Variants in CNTN5 observed in about 807,000 individuals in gnomAD.
CNTN5 encodes contactin-5.
Under a neutral mutation model 129.1 loss-of-function variants are expected in CNTN5, and 77 were observed. The observed-to-expected ratio is 0.60, with a 90% CI of 0.50 to 0.72. CNTN5 has a LOEUF of 0.72. CNTN5 is among the 30% of genes least tolerant of loss of function. CNTN5 has a pLI of 0.00. For synonymous variants in CNTN5, 509 were observed against 465.6 expected, an observed-to-expected ratio of 1.09 and a Z score of -1.20; for missense variants, 1,478 against 1,328.8, an observed-to-expected ratio of 1.11 and a Z score of -1.75.
intron 2 of CNTN5, among the ~76,000 whole-genome samples, chr11:99,485,160 G>A (rs1257825489): frequency 6.6e-6 from 1 of 151,520 alleles, no homozygotes; most frequent in Non-Finnish European, 1.5e-5. Context: ...TTTCAACATC[G>A]CCATTGACCC....
At chr11:100,171,751 T>A (rs1947832621) in intron 13 of CNTN5, among the ~76,000 whole-genome samples, 1 of 152,030 alleles carries the variant, frequency 6.6e-6, no homozygotes, top group South Asian at 2.1e-4. Context: ...GTGAGATCAA[T>A]TTCTCATTAG....
intron 6 of CNTN5, among the ~76,000 whole-genome samples, chr11:99,900,236 A>C (rs1332833147): frequency 7.0e-6 from 1 of 143,566 alleles, no homozygotes; most frequent in Non-Finnish European, 1.5e-5. Flanking sequence ...AATATTTGTT[A>C]CTTTTTTCTG....
chr11:99,727,312 C>CAAAAAAAAAAAAAAAAAAAAAAAAAA (rs397936738), intron 3 of CNTN5, among the ~76,000 whole-genome samples: 5 of 24,276 alleles, frequency 2.1e-4, no homozygotes, highest in Non-Finnish European at 3.9e-4. Flanking sequence ...GACTCCGTCT[C>CAAAAAAAAAAAAAAAAAAAAAAAAAA]AAAAAAAAAA....
At chr11:99,621,951 T>G (rs903048198) in intron 3 of CNTN5, among the ~76,000 whole-genome samples, 1 of 152,206 alleles carries the variant, frequency 6.6e-6, no homozygotes, top group Non-Finnish European at 1.5e-5. Context: ...GACCATTTCC[T>G]AAATAGCTGA....
intron 1 of CNTN5, among the ~76,000 whole-genome samples, chr11:99,193,057 C>T (rs12289396): frequency 0.12 from 18,796 of 152,058 alleles, 1,214 homozygotes; most frequent in Non-Finnish European, 0.14. Flanking sequence ...TCTTGTTTCT[C>T]TTAAATGTAT....
intron 2 of CNTN5, among the ~76,000 whole-genome samples, chr11:99,480,509 A>G (rs760338121): frequency 1.3e-5 from 2 of 152,202 alleles, no homozygotes; most frequent in African/African-American, 2.4e-5. Flanking sequence ...GAACATATGG[A>G]ACAATGGCTG....
chr11:100,127,651 C>CTTTTTTTTTTTTTTTTTTTT (rs66468227), intron 13 of CNTN5, among the ~76,000 whole-genome samples: 1 of 81,280 alleles, frequency 1.2e-5, no homozygotes, highest in East Asian at 3.8e-4. Flanking sequence ...TTCTTTCTTT[C>CTTTTTTTTTTTTTTTTTTTT]TTTTTTTTTT....
chr11:99,381,232 G>C (rs1486611239), intron 2 of CNTN5, among the ~76,000 whole-genome samples: 1 of 152,110 alleles, frequency 6.6e-6, no homozygotes, highest in Non-Finnish European at 1.5e-5. Context: ...GAGCCAACAG[G>C]GACAAGAGGA....
chr11:100,234,792 T>TAA lies in CNTN5; in HGVS notation c.2005+10004_2005+10005dup, dbSNP rs781363668. ...CATTCTGCACATGTATCCCAGAATT[T>TAA]AAAAAAAAAAAAAAAAAAAAAAAAA... On this transcript the variant is annotated intron_variant, in intron 16 of 24. Coordinates refer to ENST00000524871, the MANE Select transcript of CNTN5 (RefSeq NM_014361.4). Among the ~76,000 whole-genome samples, 610 of 101,998 alleles carry TAA rather than the reference T, an allele frequency of 6.0e-3. 11 individuals are homozygous for TAA. The highest frequency in any genetic ancestry group is 0.043 in the East Asian group (125 of 2,936). 66.9% of individuals were successfully genotyped at this position (101,998 alleles called of 152,430 possible).
chr11:99,368,148 CA>C (rs750650047), intron 2 of CNTN5, among the ~76,000 whole-genome samples: 49 of 152,192 alleles, frequency 3.2e-4, no homozygotes, highest in Middle Eastern at 6.8e-3. Flanking sequence ...CAGATGGCCA[CA>C]AAACTAATTA....
At chr11:99,200,775 T>C (rs940775480) in intron 1 of CNTN5, among the ~76,000 whole-genome samples, 1 of 152,104 alleles carries the variant, frequency 6.6e-6, no homozygotes, top group African/African-American at 2.4e-5. Flanking sequence ...TTCTACACAG[T>C]CCAATCAAGG....
intron 2 of CNTN5, among the ~76,000 whole-genome samples, chr11:99,369,470 TG>T (rs1939697829): frequency 6.6e-6 from 1 of 151,492 alleles, no homozygotes; most frequent in Non-Finnish European, 1.5e-5. Context: ...ATTAATTGCT[TG>T]TCCATAGAAT....
At chr11:99,126,586 A>T (rs1272072944) in intron 1 of CNTN5, among the ~76,000 whole-genome samples, 1 of 152,118 alleles carries the variant, frequency 6.6e-6, no homozygotes, top group Non-Finnish European at 1.5e-5. Flanking sequence ...TAATGATAAA[A>T]ATGAAGTTGG....
chr11:100,160,365 G>C (rs940100740), intron 13 of CNTN5, among the ~76,000 whole-genome samples: 3 of 151,932 alleles, frequency 2.0e-5, no homozygotes, highest in African/African-American at 7.2e-5. Flanking sequence ...ATTGTGAATA[G>C]TGCTGCAATA....
chr11:99,056,352 G>A (rs1864624176), intron 1 of CNTN5, among the ~76,000 whole-genome samples: 1 of 151,896 alleles, frequency 6.6e-6, no homozygotes, highest in African/African-American at 2.4e-5. Flanking sequence ...AGCTAGTTAT[G>A]TAGCTCACAG....
chr11:99,336,025 C>A (rs1022187404), intron 2 of CNTN5, among the ~76,000 whole-genome samples: 5 of 151,466 alleles, frequency 3.3e-5, no homozygotes, highest in African/African-American at 2.4e-5. Flanking sequence ...TCAGCCTAAC[C>A]TTATTCTTGG....
intron 3 of CNTN5, among the ~76,000 whole-genome samples, chr11:99,802,539 C>A (rs545972784): frequency 2.0e-5 from 3 of 152,248 alleles, no homozygotes; most frequent in Non-Finnish European, 2.9e-5. Context: ...GTTCCATGTT[C>A]TATGTACAAG....
chr11:99,759,442 T>C (rs920296531), intron 3 of CNTN5, among the ~76,000 whole-genome samples: 23 of 151,930 alleles, frequency 1.5e-4, no homozygotes, highest in African/African-American at 5.3e-4. Flanking sequence ...TAGGGGGCAA[T>C]GAAATTATGA....
chr11:99,265,853 T>C lies in CNTN5; in HGVS notation c.-209-59493T>C, dbSNP rs1434116667. On this transcript the variant is annotated intron_variant, in intron 1 of 24. Transcript: ENST00000524871. The stretch of plus-strand genomic sequence containing the variant: ...TTCACTCGGTAAGTAGCTGTGTCTA[T>C]TATATACTATATTAAGCTCTAAGTT... 7.2e-5 allele frequency among the ~76,000 whole-genome samples: 11 copies of C among 152,184 alleles called. No individual in the cohort carries two copies. The East Asian group carries it at 1.7e-3, about 24-fold the overall frequency.
Sources: gnomAD v4.1 joint callset for allele counts (sites outside exome capture counted in the v4.1 genomes callset) on GRCh38, gnomAD v4.1.1 for gene constraint, MANE v1.5 for transcripts, NCBI Gene and HGNC (gene_info 2026-07-23, HGNC 2026-07-21) for gene names.